The following MSI2 variants were observed in gnomAD, a reference collection of about 807,000 sequenced individuals.
MSI2 encodes musashi RNA binding protein 2.
A neutral mutation model predicts 45.6 loss-of-function variants in MSI2; 17 were observed. That is an observed-to-expected ratio of 0.37 (90% confidence interval 0.26 to 0.56). The LOEUF is 0.56. Ranked by LOEUF, MSI2 falls within the 20% of genes least tolerant of loss-of-function variation. MSI2 has a pLI of 0.77. For missense variants in MSI2, 293 were observed against 444.2 expected (o/e 0.66, Z 3.06); for synonymous variants, 156 against 158.2 (o/e 0.99, Z 0.11).
At chr17:57,647,448 C>CA (rs573792115) in intron 10 of MSI2, among the ~76,000 whole-genome samples, 59,053 of 128,140 alleles carry the variant, frequency 0.46, 13,820 homozygotes, top group Non-Finnish European at 0.49. Flanking sequence ...GACTCTGTCT[C>CA]AAAAAAAAAA....
chr17:57,512,569 GCC>G (rs2086377283), intron 6 of MSI2, among the ~76,000 whole-genome samples: 1 of 152,192 alleles, frequency 6.6e-6, no homozygotes, highest in Non-Finnish European at 1.5e-5. Flanking sequence ...GAACTCAGAG[GCC>G]GCAGAGTCTT....
chr17:57,557,063 T>C (rs1375602953), intron 7 of MSI2, among the ~76,000 whole-genome samples: 2 of 152,188 alleles, frequency 1.3e-5, no homozygotes, highest in Non-Finnish European at 2.9e-5. Context: ...TGGAGCCCAC[T>C]GTTGGGATCG....
intron 7 of MSI2, among the ~76,000 whole-genome samples, chr17:57,574,705 T>C (rs4608395): frequency 0.31 from 47,861 of 152,104 alleles, 8,566 homozygotes; most frequent in African/African-American, 0.5. Flanking sequence ...GGTTCTGTCC[T>C]AGCTTTTGCC....
intron 5 of MSI2, among the ~76,000 whole-genome samples, chr17:57,350,812 T>C (rs1915976634): frequency 6.6e-6 from 1 of 152,166 alleles, no homozygotes; most frequent in Non-Finnish European, 1.5e-5. Flanking sequence ...GTTCACCCAC[T>C]GTCATCGTAT....
intron 5 of MSI2, among the ~76,000 whole-genome samples, chr17:57,386,342 G>A (rs2083686198): frequency 1.3e-5 from 2 of 152,110 alleles, no homozygotes; most frequent in Non-Finnish European, 1.5e-5. Flanking sequence ...CTTAGTGCTT[G>A]TGCCCAGTGT....
At chr17:57,442,080 AG>A (rs1197439917) in intron 6 of MSI2, among the ~76,000 whole-genome samples, 2 of 147,900 alleles carry the variant, frequency 1.4e-5, no homozygotes, top group East Asian at 4.0e-4. Flanking sequence ...CTCTGTCTCC[AG>A]GCTGGAGTGC....
At chr17:57,294,851 A>G (rs1910779277) in intron 5 of MSI2, 2 of 152,380 alleles carry the variant, frequency 1.3e-5, no homozygotes, top group African/African-American at 4.8e-5. Context: ...CATTGAGCAA[A>G]CATTTCTTGA....
chr17:57,390,749 G>T (rs1249619153), intron 5 of MSI2, among the ~76,000 whole-genome samples: 2 of 152,304 alleles, frequency 1.3e-5, no homozygotes, highest in African/African-American at 4.8e-5. Context: ...AACAGGCCTC[G>T]TTCTGGCAGG....
intron 11 of MSI2, among the ~76,000 whole-genome samples, chr17:57,664,034 GC>G (rs1430981651): frequency 6.6e-6 from 1 of 152,084 alleles, no homozygotes; most frequent in Non-Finnish European, 1.5e-5. Flanking sequence ...CAGCATAAGA[GC>G]ATAGAAGGCA....
chr17:57,511,705 T>C (rs1026515172), intron 6 of MSI2, among the ~76,000 whole-genome samples: 1 of 152,190 alleles, frequency 6.6e-6, no homozygotes, highest in African/African-American at 2.4e-5. Flanking sequence ...CAGTTGGCAC[T>C]GTTGGATGTC....
chr17:57,257,081 A>G lies in MSI2; in HGVS notation c.63-17A>G. The G allele has an allele frequency of 7.4e-7, 1 of 1,356,204 alleles. No individual in the cohort carries two copies. The allele number at this position is 1,356,204 out of a possible 1,614,324, so 84.0% of individuals were successfully genotyped here. A position where few individuals can be genotyped will look rare whatever the true frequency, so the allele number is the denominator to read the frequency against. ...TCTGACATCGGTGCTCACTTCTGTTATGTTTTCTCCCTCTAGTAAAATGTT... is the reference window on the plus strand; with the variant it reads ...TCTGACATCGGTGCTCACTTCTGTTGTGTTTTCTCCCTCTAGTAAAATGTT... On this transcript the variant is annotated splice_polypyrimidine_tract_variant and intron_variant, in intron 1 of 13. Transcript: ENST00000284073.
At position 57,596,780 on chromosome 17, in the gene MSI2, C is replaced by A; in HGVS notation, c.455-88C>A. ...CCCCCAGACCAGGAGGCTGTCAAGACCTCAGGACGTCAGAGAAAAACCTGG... is the reference window on the plus strand; with the variant it reads ...CCCCCAGACCAGGAGGCTGTCAAGAACTCAGGACGTCAGAGAAAAACCTGG... On this transcript the variant is annotated intron_variant, in intron 7 of 13. Coordinates refer to ENST00000284073, the MANE Select transcript of MSI2 (RefSeq NM_138962.4). This position sits in a 1 kb window ranked among gnomAD's most constrained non-coding sequence, Gnocchi z 4.6. The A allele has an allele frequency of 1.1e-6, 1 of 885,660 alleles. No individual in the cohort carries two copies. The highest frequency in any genetic ancestry group is 1.9e-6 in the Non-Finnish European group (1 of 530,346). The allele number at this position is 885,660 out of a possible 1,614,324, so 54.9% of individuals were successfully genotyped here.
chr17:57,497,742 G>T (rs987035505), intron 6 of MSI2, among the ~76,000 whole-genome samples: 1 of 152,206 alleles, frequency 6.6e-6, no homozygotes, highest in South Asian at 2.1e-4. Flanking sequence ...AGCAGCTTGG[G>T]CTGTGCATGT....
intron 6 of MSI2, among the ~76,000 whole-genome samples, chr17:57,519,360 C>T (rs1366130674): frequency 6.6e-6 from 1 of 152,158 alleles, no homozygotes; most frequent in Non-Finnish European, 1.5e-5. Context: ...CGCTCACTGG[C>T]TACCACATGA....
intron 8 of MSI2, among the ~76,000 whole-genome samples, chr17:57,614,566 T>C (rs184324920): frequency 2.8e-4 from 43 of 152,304 alleles, no homozygotes; most frequent in Non-Finnish European, 4.7e-4. Context: ...TTAAATAAGA[T>C]ACCTGTTTCT....
intron 5 of MSI2, among the ~76,000 whole-genome samples, chr17:57,368,797 C>T (rs1267795997): frequency 1.3e-5 from 2 of 152,086 alleles, no homozygotes; most frequent in East Asian, 3.9e-4. Context: ...TGTGAGTGAG[C>T]TGGAGAGGAG....
At chr17:57,405,085 A>C (rs1175510759) in intron 6 of MSI2, among the ~76,000 whole-genome samples, 1 of 152,044 alleles carries the variant, frequency 6.6e-6, no homozygotes, top group Non-Finnish European at 1.5e-5. Context: ...GGAGAAGGGT[A>C]AGGCAGCAGA....
chr17:57,353,134 C>T (rs1916152338), intron 5 of MSI2, among the ~76,000 whole-genome samples: 1 of 152,164 alleles, frequency 6.6e-6, no homozygotes. Context: ...AGATAGCTCC[C>T]GAAAATGCGC....
chr17:57,316,585 T>G (rs28607655), intron 5 of MSI2, among the ~76,000 whole-genome samples: 1 of 152,120 alleles, frequency 6.6e-6, no homozygotes, highest in African/African-American at 2.4e-5. Flanking sequence ...CTCAGCCTCC[T>G]GAAGTGCTGG....
Sources: allele counts gnomAD v4.1 joint callset (sites outside exome capture counted in the v4.1 genomes callset), GRCh38; gene constraint gnomAD v4.1.1; non-coding constraint Gnocchi (gnomAD v3.1); transcripts MANE v1.5; gene names NCBI Gene and HGNC (gene_info 2026-07-23, HGNC 2026-07-21).